The following USP13 variants were observed in gnomAD, a reference collection of about 807,000 sequenced individuals.
USP13 encodes ubiquitin carboxyl-terminal hydrolase 13.
A neutral mutation model predicts 107.8 loss-of-function variants in USP13; 68 were observed. The observed-to-expected ratio is 0.63, with a 90% CI of 0.52 to 0.77. The LOEUF (loss-of-function observed/expected upper bound fraction) is 0.77. USP13 is among the 30% of genes least tolerant of loss of function. The probability of loss-of-function intolerance (pLI) is 0.00; values close to 1 mark genes in which losing one functional copy is unlikely to be tolerated. For missense variants in USP13, 945 were observed against 1,093.3 expected, an observed-to-expected ratio of 0.86 and a Z score of 1.91; for synonymous variants, 377 against 389.5, an observed-to-expected ratio of 0.97 and a Z score of 0.38.
chr3:179,765,433 T>A (rs1008141438), intron 18 of USP13, among the ~76,000 whole-genome samples: 2 of 152,252 alleles, frequency 1.3e-5, no homozygotes, highest in African/African-American at 4.8e-5. Flanking sequence ...AACATTGATA[T>A]AAACTTTGGA....
intron 2 of USP13, among the ~76,000 whole-genome samples, chr3:179,686,753 G>T (rs1390864698): frequency 1.3e-5 from 2 of 152,232 alleles, no homozygotes; most frequent in Admixed American, 1.3e-4. Context: ...ACACTGCCCA[G>T]GTTGTCAGTC....
chr3:179,775,525 T>C (rs1435222760), intron 19 of USP13, among the ~76,000 whole-genome samples: 1 of 152,254 alleles, frequency 6.6e-6, no homozygotes, highest in Non-Finnish European at 1.5e-5. Context: ...CCTGCACTCC[T>C]CAGCCCTTGG....
At chr3:179,697,843 A>C (rs186745060) in intron 3 of USP13, among the ~76,000 whole-genome samples, 103 of 152,336 alleles carry the variant, frequency 6.8e-4, no homozygotes, top group African/African-American at 2.4e-3. Context: ...TTTTTGGGAA[A>C]GATCATGCCC....
At chr3:179,659,929 C>T (rs1040193167) in intron 1 of USP13, among the ~76,000 whole-genome samples, 10 of 152,150 alleles carry the variant, frequency 6.6e-5, no homozygotes, top group African/African-American at 2.4e-4. Context: ...GTAGTCCCAG[C>T]TACTCAGGAG....
chr3:179,664,510 G>C (rs1004522039), intron 1 of USP13, among the ~76,000 whole-genome samples: 8 of 152,146 alleles, frequency 5.3e-5, no homozygotes, highest in East Asian at 1.9e-4. Flanking sequence ...TGTGATTCTA[G>C]GGTGCTTGGT....
At chr3:179,780,534 G>A (rs981872013) in intron 19 of USP13, among the ~76,000 whole-genome samples, 2 of 152,004 alleles carry the variant, frequency 1.3e-5, no homozygotes, top group South Asian at 4.2e-4. Context: ...AGTCTGGATA[G>A]GGGGGGAAGA....
Position 179,747,902 on chromosome 3 carries a change from C to T in USP13, c.1709+2685C>T, listed in dbSNP as rs532639332. On this transcript the variant is annotated intron_variant, in intron 13 of 20. Transcript: ENST00000263966. Reference sequence around the variant, plus strand: ...TCTTACAAGGAGCTTTTACCTTTTCCTTTTTGTCTGCATACACACATGCTC... The same window carrying T: ...TCTTACAAGGAGCTTTTACCTTTTCTTTTTTGTCTGCATACACACATGCTC... Among the ~76,000 whole-genome samples, 139 of 152,218 alleles carry T rather than the reference C, an allele frequency of 9.1e-4. 2 individuals are homozygous for T. Among genetic ancestry groups the T allele is most frequent in the African/African-American group, 3.2e-3 (135 of 41,546 alleles).
chr3:179,743,600 G>A (rs1714284662), intron 12 of USP13, among the ~76,000 whole-genome samples: 1 of 152,084 alleles, frequency 6.6e-6, no homozygotes, highest in African/African-American at 2.4e-5. Context: ...GGGAATGGGA[G>A]TCTGCTGTTT....
chr3:179,739,380 C>T (rs531210252), intron 10 of USP13, among the ~76,000 whole-genome samples: 27 of 152,196 alleles, frequency 1.8e-4, no homozygotes, highest in Non-Finnish European at 2.8e-4. Context: ...GTGCTCTGGT[C>T]CAGAAACAGT....
chr3:179,781,779 C>A lies in USP13; in HGVS notation c.2454C>A (p.Ser818=), dbSNP rs751772304. 6.2e-7 allele frequency: 1 copy of A among 1,613,908 alleles called. No homozygotes were observed. The highest frequency in any genetic ancestry group is 8.5e-7 in the Non-Finnish European group (1 of 1,179,946). The part of the protein sequence containing the change: ...LFAFISHMGT[S]TMSGHYICHI... ...CATTCATCAGTCACATGGGAACATCCACAATGAGTGGTCATTACATTTGCC... is the reference window on the plus strand; with the variant it reads ...CATTCATCAGTCACATGGGAACATCAACAATGAGTGGTCATTACATTTGCC... The change falls in exon 20 of 21, where the codon TCC becomes TCA. Residue 818 remains serine, a synonymous_variant. Transcript: ENST00000263966.
intron 16 of USP13, among the ~76,000 whole-genome samples, chr3:179,759,510 T>C (rs184699973): frequency 6.6e-6 from 1 of 152,326 alleles, no homozygotes; most frequent in Non-Finnish European, 1.5e-5. Flanking sequence ...TAAAAACTTA[T>C]CTGATCACAG....
At chr3:179,747,517 G>T (rs1714451165) in intron 13 of USP13, among the ~76,000 whole-genome samples, 3 of 152,176 alleles carry the variant, frequency 2.0e-5, no homozygotes, top group African/African-American at 7.2e-5. Flanking sequence ...TCTTAGAAGT[G>T]CAGGATGTGA....
Position 179,745,221 on chromosome 3 carries a change from A to G in USP13, c.1709+4A>G. 3 of 1,393,350 alleles carry G rather than the reference A, an allele frequency of 2.2e-6. No homozygotes were observed. The highest frequency in any genetic ancestry group is 2.9e-6 in the Non-Finnish European group (3 of 1,043,716). The allele number at this position is 1,393,350 out of a possible 1,614,324, so 86.3% of individuals were successfully genotyped here. On this transcript the variant is annotated splice_donor_region_variant and intron_variant, in intron 13 of 20. Transcript: ENST00000263966. Reference sequence around the variant, plus strand: ...AAGCAAAGTCTGCGGGTGTGAAGTAAGTGTGTGTATATGTGGTGGCAGTGG... The same window carrying G: ...AAGCAAAGTCTGCGGGTGTGAAGTAGGTGTGTGTATATGTGGTGGCAGTGG...
At chr3:179,706,813 C>T (rs1392669205) in intron 4 of USP13, 121 bp from the exon 5 acceptor site, 1 of 1,204,040 alleles carries the variant, frequency 8.3e-7, no homozygotes, top group Non-Finnish European at 1.1e-6. Context: ...TCTCTTGCGA[C>T]AACTACGCTG....
intron 15 of USP13, among the ~76,000 whole-genome samples, chr3:179,755,989 G>A (rs749036232): frequency 9.2e-5 from 14 of 152,186 alleles, no homozygotes; most frequent in Admixed American, 2.0e-4. Context: ...TCTAGGTCAC[G>A]TAGTACAGGT....
intron 10 of USP13, among the ~76,000 whole-genome samples, chr3:179,734,750 G>A (rs1713928115): frequency 6.6e-6 from 1 of 152,220 alleles, no homozygotes. Flanking sequence ...AAGGTTTATT[G>A]TTTAAGGTTA....
At chr3:179,774,600 G>GA (rs1715453358) in intron 19 of USP13, among the ~76,000 whole-genome samples, 1 of 152,026 alleles carries the variant, frequency 6.6e-6, no homozygotes, top group Non-Finnish European at 1.5e-5. Flanking sequence ...TGAAGCTGCA[G>GA]ACCTTTGCAG....
At chr3:179,768,777 C>T (rs77584702) in intron 19 of USP13, among the ~76,000 whole-genome samples, 6,154 of 152,120 alleles carry the variant, frequency 0.04, 451 homozygotes, top group African/African-American at 0.14. Flanking sequence ...CCACAAAGTT[C>T]TATATAGAGG....
intron 19 of USP13, among the ~76,000 whole-genome samples, chr3:179,776,464 T>C (rs1023133888): frequency 6.6e-6 from 1 of 152,130 alleles, no homozygotes; most frequent in African/African-American, 2.4e-5. Flanking sequence ...ACAATTGCTG[T>C]TAGGTTGGGT....
Sources: allele counts gnomAD v4.1 joint callset (sites outside exome capture counted in the v4.1 genomes callset), GRCh38; gene constraint gnomAD v4.1.1; transcripts MANE v1.5; gene names NCBI Gene and HGNC (gene_info 2026-07-23, HGNC 2026-07-21).